Variants in STOX1 observed in about 807,000 individuals in gnomAD.
STOX1 encodes the protein storkhead-box protein 1.
A neutral mutation model predicts 74.8 loss-of-function variants in STOX1; 57 were observed. The observed-to-expected ratio is 0.76, with a 90% CI of 0.62 to 0.95. STOX1 has a LOEUF of 0.95. STOX1 is among the 40% of genes least tolerant of loss of function. STOX1 has a pLI of 0.00. For synonymous variants in STOX1, 375 were observed against 401.3 expected, an observed-to-expected ratio of 0.93 and a Z score of 0.78; for missense variants, 1,010 against 1,117.0, an observed-to-expected ratio of 0.90 and a Z score of 1.37.
In STOX1 at chr10:68,885,517, T is replaced by A. The variant is rs1840923668; in HGVS notation, c.1721T>A (p.Ile574Asn). 1.2e-6 allele frequency: 2 copies of A among 1,614,052 alleles called. No homozygotes were observed. ...IYINDPTVKP[I>N]NDDFRGHLFS... is the part of the protein sequence containing the mutation. ...ATAAATGACCCTACTGTCAAACCCA[T>A]CAATGATGACTTCAGAGGTCACCTC... is the stretch of plus-strand genomic sequence containing the variant. The change falls in exon 3 of 4, where the codon ATC becomes AAC. Residue 574 changes from isoleucine to asparagine, a missense_variant. Ile to Asn is a moderately radical substitution (Grantham distance 149). Coordinates refer to ENST00000298596, the MANE Select transcript of STOX1 (RefSeq NM_152709.5).
At chr10:68,864,439 G>T (rs1298227777) in intron 1 of STOX1, among the ~76,000 whole-genome samples, 1 of 152,202 alleles carries the variant, frequency 6.6e-6, no homozygotes, top group African/African-American at 2.4e-5. Context: ...CACAAAGTCA[G>T]ATAAATGGGT....
chr10:68,852,816 T>G (rs1311549732), intron 1 of STOX1, among the ~76,000 whole-genome samples: 2 of 151,348 alleles, frequency 1.3e-5, no homozygotes, highest in African/African-American at 2.4e-5. Context: ...GATGGTGGTG[T>G]TAGGTTCATT....
intron 1 of STOX1, among the ~76,000 whole-genome samples, chr10:68,877,743 C>G (rs1043396526): frequency 2.0e-5 from 3 of 152,162 alleles, no homozygotes; most frequent in Non-Finnish European, 2.9e-5. Context: ...GTGTTCTCCC[C>G]CACCCCACCT....
intron 1 of STOX1, among the ~76,000 whole-genome samples, chr10:68,840,631 G>T (rs1839669336): frequency 6.6e-6 from 1 of 152,044 alleles, no homozygotes; most frequent in Non-Finnish European, 1.5e-5. Flanking sequence ...TGTGATCTTG[G>T]CTCACTGCAA....
At chr10:68,867,934 A>G (rs1396165176) in intron 1 of STOX1, among the ~76,000 whole-genome samples, 1 of 152,278 alleles carries the variant, frequency 6.6e-6, no homozygotes, top group African/African-American at 2.4e-5. Context: ...CTGCTGAAGC[A>G]GACTCAAATA....
chr10:68,836,146 G>T (rs1479087147), intron 1 of STOX1, among the ~76,000 whole-genome samples: 2 of 151,896 alleles, frequency 1.3e-5, no homozygotes, highest in African/African-American at 4.8e-5. Flanking sequence ...CTGGGATTAT[G>T]GGCGCGAGCC....
chr10:68,863,609 A>T (rs189914522), intron 1 of STOX1, among the ~76,000 whole-genome samples: 35 of 152,228 alleles, frequency 2.3e-4, no homozygotes, highest in African/African-American at 7.5e-4. Flanking sequence ...CAGCCATTTG[A>T]TTCCCTGCAT....
chr10:68,834,477 T>C (rs1354203761), intron 1 of STOX1, among the ~76,000 whole-genome samples: 2 of 152,218 alleles, frequency 1.3e-5, no homozygotes, highest in Non-Finnish European at 2.9e-5. Context: ...TCTGAAGTCC[T>C]ACCTTGAATG....
rs775191176 is a variant in STOX1, at chr10:68,884,595, A to C, written c.799A>C (p.Lys267Gln). 1.6e-5 allele frequency: 26 copies of C among 1,613,864 alleles called. 1 individual carries two copies. In the Middle Eastern group the frequency reaches 6.6e-4, roughly 41 times the overall value. ...ACCAGTTGCTGCAGAAGTGACTAGGAAGAGTCACAGAGGTCTTGGGGAATC... is the reference window on the plus strand; with the variant it reads ...ACCAGTTGCTGCAGAAGTGACTAGGCAGAGTCACAGAGGTCTTGGGGAATC... The part of the protein sequence containing the change: ...EAPVAAEVTR[K>Q]SHRGLGESVS... The change falls in exon 3 of 4, where the codon AAG becomes CAG. Residue 267 changes from lysine to glutamine, a missense_variant. Lys to Gln is a moderately conservative substitution (Grantham distance 53). Transcript: ENST00000298596.
chr10:68,835,553 G>A (rs1839526044), intron 1 of STOX1, among the ~76,000 whole-genome samples: 1 of 151,284 alleles, frequency 6.6e-6, no homozygotes, highest in South Asian at 2.1e-4. Context: ...TTGAACTCTT[G>A]GGCTCTCACT....
rs781693351 is a variant in STOX1 at position 68,884,829 on chromosome 10, C to T, written c.1033C>T (p.Arg345Ter). The change falls in exon 3 of 4, where the codon CGA (arginine) becomes TGA (stop). Residue 345 changes from arginine (R) to a stop codon, truncating the protein, a stop_gained. Coordinates refer to ENST00000298596, the MANE Select transcript of STOX1 (RefSeq NM_152709.5). LOFTEE classifies it high-confidence loss of function. Reference protein sequence around the residue: ...AQFPPEEWPVRDEDDLDNIPR... With the variant: ...AQFPPEEWPV ...GTTCCCACCTGAAGAATGGCCCGTC[C>T]GAGATGAAGATGACTTGGACAATAT... The T allele has an allele frequency of 1.3e-5, 21 of 1,614,022 alleles. No homozygotes were observed. Among genetic ancestry groups the T allele is most frequent in the Admixed American group, 1.7e-5 (1 of 60,000 alleles).
In STOX1 at chr10:68,854,324, T is replaced by C. The variant is rs148528569; in HGVS notation, c.310+26391T>C. Among the ~76,000 whole-genome samples, 278 of 151,790 alleles carry C rather than the reference T, an allele frequency of 1.8e-3. 7 individuals are homozygous for C. The highest frequency in any genetic ancestry group is 6.4e-3 in the African/African-American group (264 of 41,298). ...TTTTGTCTTTTGAGACAAGGTCTCT[T>C]TCTGTCACCCAGGCTGGAGTCTATT... On this transcript the variant is annotated intron_variant, in intron 1 of 3. Coordinates refer to ENST00000298596, the MANE Select transcript of STOX1 (RefSeq NM_152709.5).
At chr10:68,879,784 G>T (rs1207544679) in intron 1 of STOX1, among the ~76,000 whole-genome samples, 1 of 152,106 alleles carries the variant, frequency 6.6e-6, no homozygotes, top group African/African-American at 2.4e-5. Flanking sequence ...TTTGGTTGCT[G>T]CAACTGTGGG....
intron 1 of STOX1, among the ~76,000 whole-genome samples, chr10:68,851,417 G>A (rs753043437): frequency 6.6e-6 from 1 of 151,904 alleles, no homozygotes; most frequent in Non-Finnish European, 1.5e-5. Context: ...TGATCCAATT[G>A]TGGTAGTAAA....
intron 1 of STOX1, among the ~76,000 whole-genome samples, chr10:68,840,039 TACAGTTA>T (rs1475463153): frequency 2.6e-5 from 4 of 152,074 alleles, no homozygotes; most frequent in African/African-American, 9.7e-5. Flanking sequence ...CCCACACATA[TACAGTTA>T]ACTGATCTTC....
chr10:68,836,301 G>A (rs972609856), intron 1 of STOX1, among the ~76,000 whole-genome samples: 6 of 152,210 alleles, frequency 3.9e-5, no homozygotes, highest in African/African-American at 7.2e-5. Context: ...TTGTTTTGAA[G>A]ATAAGGTACC....
chr10:68,879,318 A>T (rs1480973127), intron 1 of STOX1, among the ~76,000 whole-genome samples: 2 of 151,926 alleles, frequency 1.3e-5, no homozygotes, highest in African/African-American at 2.4e-5. Flanking sequence ...TTTTCTTTCT[A>T]ACTTGACAGA....
downstream of STOX1, among the ~76,000 whole-genome samples, chr10:68,894,238 T>A (rs1393719293): frequency 6.6e-6 from 1 of 151,978 alleles, no homozygotes; most frequent in African/African-American, 2.4e-5. Flanking sequence ...TTTTTGTATT[T>A]TTAGTAGAGA....
At chr10:68,832,655 A>T (rs1839439528) in intron 1 of STOX1, among the ~76,000 whole-genome samples, 1 of 108,540 alleles carries the variant, frequency 9.2e-6, no homozygotes, top group Non-Finnish European at 2.0e-5. Flanking sequence ...CAGAGGGAAA[A>T]TGTCTTAAAA....
Sources: allele counts gnomAD v4.1 joint callset (sites outside exome capture counted in the v4.1 genomes callset), GRCh38; gene constraint gnomAD v4.1.1; transcripts MANE v1.5; gene names NCBI Gene and HGNC (gene_info 2026-07-23, HGNC 2026-07-21).